MGAT4D: variants seen among roughly 807,000 people sequenced by gnomAD.
The protein encoded by MGAT4D is alpha-1,3-mannosyl-glycoprotein 4-beta-N-acetylglucosaminyltransferase-like protein MGAT4D.
In MGAT4D, 34 loss-of-function variants were observed where a neutral mutation model predicts 15.9. The observed-to-expected ratio is 2.14, with a 90% CI of 1.62 to 2.84. MGAT4D has a LOEUF of 2.84. Among genes scored for constraint, MGAT4D ranks in the 30% most tolerant of loss-of-function variants. The probability of loss-of-function intolerance (pLI) is 0.00; values close to 1 mark genes in which losing one functional copy is unlikely to be tolerated. For missense variants in MGAT4D, 327 were observed against 140.2 expected (o/e 2.33, Z -6.73); for synonymous variants, 112 against 48.2 (o/e 2.33, Z -5.49).
chr4:140,451,487 G>A lies in MGAT4D; in HGVS notation c.1039C>T (p.Arg347Cys), dbSNP rs1026702685. ...RNCMKRKKQI[R>C]IQYKPSLFQH... ...AAAAGAGAAGGTTTATACTGAATAC[G>A]TATTTGCTTCTTTCGTTTCATACAG... Residue 347 changes from arginine to cysteine, a missense_variant, in exon 10 of 11, where the codon CGT becomes TGT. Physicochemically the swap from Arg to Cys is radical, Grantham distance 180. Coordinates refer to ENST00000511113, the MANE Select transcript of MGAT4D (RefSeq NM_001277353.2). 2.2e-5 allele frequency: 13 copies of A among 588,662 alleles called. No homozygotes were observed. Among genetic ancestry groups the A allele is most frequent in the South Asian group, 6.8e-5 (3 of 44,420 alleles). The allele number at this position is 588,662 out of a possible 1,614,324, so 36.5% of individuals were successfully genotyped here.
intron 1 of MGAT4D, among the ~76,000 whole-genome samples, chr4:140,494,867 G>T (rs187385796): frequency 1.4e-3 from 210 of 152,238 alleles, no homozygotes; most frequent in African/African-American, 4.8e-3. Context: ...TCCCCGCAAA[G>T]AATTACCCAA....
At chr4:140,470,068 T>C (rs905035130) in intron 5 of MGAT4D, among the ~76,000 whole-genome samples, 1 of 152,382 alleles carries the variant, frequency 6.6e-6, no homozygotes, top group Non-Finnish European at 1.5e-5. Context: ...TTCCAGCTGC[T>C]GAGGAGGCCT....
At position 140,461,701 on chromosome 4, in the gene MGAT4D, A is replaced by G. The variant is rs574923296; in HGVS notation, c.762+228T>C. 3.2e-4 allele frequency among the ~76,000 whole-genome samples: 48 copies of G among 152,220 alleles called. 1 individual carries two copies. The Middle Eastern group carries it at 0.017, about 54-fold the overall frequency. The stretch of plus-strand genomic sequence containing the variant: ...TCTCTGTAACAGTGAACCTAGTAAG[A>G]ATATTCATATATAATCAATTTTAAA... On this transcript the variant is annotated intron_variant, in intron 7 of 10. Coordinates refer to ENST00000511113, the MANE Select transcript of MGAT4D (RefSeq NM_001277353.2).
At chr4:140,476,032 G>A (rs904259919) in intron 3 of MGAT4D, among the ~76,000 whole-genome samples, 1 of 151,850 alleles carries the variant, frequency 6.6e-6, no homozygotes, top group East Asian at 1.9e-4. Context: ...GGCTGGTCTC[G>A]AACTCCTGAC....
chr4:140,475,003 AC>A, intron 3 of MGAT4D, 57 bp from the exon 4 acceptor site: 1 of 514,232 alleles, frequency 1.9e-6, no homozygotes, highest in Non-Finnish European at 3.5e-6. Flanking sequence ...AACATAGTTT[AC>A]CATTCATTCT....
intron 10 of MGAT4D, among the ~76,000 whole-genome samples, chr4:140,447,363 G>C (rs561720662): frequency 6.6e-5 from 10 of 152,172 alleles, no homozygotes; most frequent in African/African-American, 2.2e-4. Flanking sequence ...GTCTCTGAGA[G>C]CTTGCTTTAT....
chr4:140,493,484 A>C (rs1231920497), intron 1 of MGAT4D, among the ~76,000 whole-genome samples: 1 of 151,428 alleles, frequency 6.6e-6, no homozygotes, highest in Non-Finnish European at 1.5e-5. Context: ...TTTAGTAGAG[A>C]TGGGGTTTCA....
chr4:140,469,175 A>G (rs1731747142), intron 5 of MGAT4D, among the ~76,000 whole-genome samples: 1 of 152,216 alleles, frequency 6.6e-6, no homozygotes, highest in South Asian at 2.1e-4. Context: ...TATGTATTAT[A>G]AAAATTACCA....
intron 5 of MGAT4D, among the ~76,000 whole-genome samples, chr4:140,466,367 A>G (rs915171135): frequency 6.6e-6 from 1 of 152,096 alleles, no homozygotes; most frequent in Non-Finnish European, 1.5e-5. Flanking sequence ...CATTAAAGGA[A>G]CTCTCAGAGA....
chr4:140,497,774 C>A (rs1205926800), intron 1 of MGAT4D, among the ~76,000 whole-genome samples: 1 of 152,198 alleles, frequency 6.6e-6, no homozygotes, highest in Non-Finnish European at 1.5e-5. Flanking sequence ...GGTCAGACAG[C>A]CATAGTTTCG....
At chr4:140,471,331 T>C (rs1047696816) in intron 5 of MGAT4D, among the ~76,000 whole-genome samples, 1 of 151,848 alleles carries the variant, frequency 6.6e-6, no homozygotes, top group African/African-American at 2.4e-5. Context: ...ATCACCTATT[T>C]GAACTTAGGA....
intron 3 of MGAT4D, among the ~76,000 whole-genome samples, chr4:140,476,581 C>T (rs1400718750): frequency 6.6e-6 from 1 of 152,068 alleles, no homozygotes; most frequent in Admixed American, 6.6e-5. Flanking sequence ...CTTCCTATGC[C>T]TTACAATGCA....
intron 10 of MGAT4D, among the ~76,000 whole-genome samples, chr4:140,448,877 C>G (rs528323514): frequency 6.6e-6 from 1 of 152,150 alleles, no homozygotes; most frequent in Non-Finnish European, 1.5e-5. Flanking sequence ...CTTCTACTCC[C>G]TGCCCCTTCA....
At chr4:140,458,651 C>G (rs999208906) in intron 8 of MGAT4D, 1 of 152,110 alleles carries the variant, frequency 6.6e-6, no homozygotes, top group African/African-American at 2.4e-5. Context: ...AACCAATAAA[C>G]TAAATGAACA....
intron 1 of MGAT4D, among the ~76,000 whole-genome samples, chr4:140,487,632 C>T (rs142188177): frequency 6.6e-6 from 1 of 152,072 alleles, no homozygotes; most frequent in Admixed American, 6.6e-5. Flanking sequence ...CTAAATCCTG[C>T]GTGTATTTTA....
intron 3 of MGAT4D, among the ~76,000 whole-genome samples, chr4:140,477,113 C>T (rs1199200393): frequency 1.3e-5 from 2 of 152,190 alleles, no homozygotes; most frequent in African/African-American, 2.4e-5. Flanking sequence ...TCTAGGCCTT[C>T]TTGCCATCTG....
rs988186262 is a variant in MGAT4D, at chr4:140,482,500, T to A, written c.95-15A>T. 6 of 619,758 alleles carry A rather than the reference T, an allele frequency of 9.7e-6. No individual in the cohort carries two copies. The highest frequency in any genetic ancestry group is 6.2e-5 in the Admixed American group (2 of 32,154). 38.4% of individuals were successfully genotyped at this position (619,758 alleles called of 1,614,324 possible). On this transcript the variant is annotated splice_polypyrimidine_tract_variant and intron_variant, in intron 1 of 10. Coordinates refer to ENST00000511113, the MANE Select transcript of MGAT4D (RefSeq NM_001277353.2). ...TAATTGATTATCTGCAATGAAAACA[T>A]ATGTATATATTTGTACATGTAGCAA...
In MGAT4D at chr4:140,461,983, C is replaced by A. The variant is rs1731217580; in HGVS notation, c.708G>T (p.Leu236Phe). 1.4e-6 allele frequency: 1 copy of A among 700,248 alleles called. No individual in the cohort carries two copies. Among genetic ancestry groups the A allele is most frequent in the Non-Finnish European group, 2.6e-6 (1 of 383,750 alleles). The allele number at this position is 700,248 out of a possible 1,614,324, so 43.4% of individuals were successfully genotyped here. A position where few individuals can be genotyped will look rare whatever the true frequency, so the allele number is the denominator to read the frequency against. ...KLASWRIKQV[L>F]DFCILLLYAQ... ...CATACAGCAACAAAATGCAAAAATC[C>A]AATACCTGTTTGATTCGCCAACTAA... The change falls in exon 7 of 11, where the codon TTG becomes TTT. Residue 236 changes from leucine (L) to phenylalanine (F), a missense_variant. By Grantham distance (22) the Leu-to-Phe change is conservative. Transcript: ENST00000511113.
At position 140,452,806 on chromosome 4, in the gene MGAT4D, T is replaced by TA. The variant is rs1201130020; in HGVS notation, c.1009-1290dup. Among the ~76,000 whole-genome samples, 4 of 152,284 alleles carry TA rather than the reference T, an allele frequency of 2.6e-5. No homozygotes were observed. In the South Asian group the frequency reaches 6.2e-4, roughly 24 times the overall value. ...TTTTAAAAATGCTTTTAGTGTCATT[T>TA]AAAAAAATTTCACCCAGCCCTAGGT... On this transcript the variant is annotated intron_variant, in intron 9 of 10. Transcript: ENST00000511113.
Sources: allele counts gnomAD v4.1 joint callset (sites outside exome capture counted in the v4.1 genomes callset), GRCh38; gene constraint gnomAD v4.1.1; transcripts MANE v1.5; gene names NCBI Gene and HGNC (gene_info 2026-07-23, HGNC 2026-07-21).